TSPO: variants seen among roughly 807,000 people sequenced by gnomAD.
TSPO encodes the protein benzodiazepine peripheral binding site.
In TSPO, 14 loss-of-function variants were observed where a neutral mutation model predicts 13.9. That is an observed-to-expected ratio of 1.01 (90% CI 0.67 to 1.58). The LOEUF is 1.58. TSPO is among the 40% of genes most tolerant of loss of function. The pLI, the probability that TSPO is intolerant of heterozygous loss-of-function variation, is 0.00. For synonymous variants in TSPO, 114 were observed against 105.9 expected, an observed-to-expected ratio of 1.08 and a Z score of -0.47; for missense variants, 232 against 229.6, an observed-to-expected ratio of 1.01 and a Z score of -0.07.
intron 1 of TSPO, among the ~76,000 whole-genome samples, chr22:43,154,080 C>A (rs1050614993): frequency 2.0e-5 from 3 of 152,322 alleles, no homozygotes; most frequent in Non-Finnish European, 2.9e-5. Context: ...TCTCCCAGGC[C>A]ACTCGATGGC....
At position 43,163,001 on chromosome 22, in the gene TSPO, C is replaced by A. The variant is rs1378050582; in HGVS notation, c.*10C>A. On this transcript the variant is annotated 3_prime_UTR_variant, in exon 4 of 4. Coordinates refer to ENST00000337554, the MANE Select transcript of TSPO (RefSeq NM_000714.6). ...GCGGCTGCCAGAGTGAGTGCCCGGC[C>A]CACCAGGGACTGCAGCTGCACCAGC... is the stretch of plus-strand genomic sequence containing the variant. 1.3e-6 allele frequency: 2 copies of A among 1,579,312 alleles called. No homozygotes were observed. The highest frequency in any genetic ancestry group is 8.6e-7 in the Non-Finnish European group (1 of 1,163,314).
rs1473244412 is a variant in TSPO at position 43,155,401 on chromosome 22, C to T, written c.-30+3797C>T. 3.9e-5 allele frequency among the ~76,000 whole-genome samples: 6 copies of T among 152,356 alleles called. No homozygotes were observed. In the South Asian group the frequency reaches 1.0e-3, roughly 26 times the overall value. ...GGCTTGGAACCTTCTCCTGCCTCTA[C>T]GTCCTGCGCCCTCTACCCTGCCCCG... is the stretch of plus-strand genomic sequence containing the variant. On this transcript the variant is annotated intron_variant, in intron 1 of 3. Coordinates refer to ENST00000337554, the MANE Select transcript of TSPO (RefSeq NM_000714.6).
chr22:43,157,728 G>T (rs557930449), intron 1 of TSPO, among the ~76,000 whole-genome samples: 1 of 152,276 alleles, frequency 6.6e-6, no homozygotes, highest in South Asian at 2.1e-4. Context: ...TACTTGGGAG[G>T]CAGGAGGCTG....
In TSPO at chr22:43,158,961, AGAG is replaced by A. The variant is rs1931341013; in HGVS notation, c.-29-244_-29-242del. On this transcript the variant is annotated intron_variant, in intron 1 of 3. Coordinates refer to ENST00000337554, the MANE Select transcript of TSPO (RefSeq NM_000714.6). Reference sequence around the variant, plus strand: ...AGGGGACCCAAACTGGCCTTGGAAGAGAGGAGGGGTCAGTGCCAGAGACCCAAG... The same window carrying A: ...AGGGGACCCAAACTGGCCTTGGAAGAGAGGGGTCAGTGCCAGAGACCCAAG... 3.9e-5 allele frequency among the ~76,000 whole-genome samples: 6 copies of A among 152,136 alleles called. No homozygotes were observed. The South Asian group carries it at 1.2e-3, about 32-fold the overall frequency.
rs1601758350 is a variant in TSPO at position 43,159,767 on chromosome 22, T to C, written c.182+347T>C. ...ACAGCCCCAAGAGCAGCTCCTTTGT[T>C]GAACGCCTGCCCAGTGCCAGGCTCG... On this transcript the variant is annotated intron_variant, in intron 2 of 3. Coordinates refer to ENST00000337554, the MANE Select transcript of TSPO (RefSeq NM_000714.6). 7 of 241,354 alleles carry C rather than the reference T, an allele frequency of 2.9e-5. No homozygotes were observed. The East Asian group carries it at 5.2e-4, about 18-fold the overall frequency. 15.0% of individuals were successfully genotyped at this position (241,354 alleles called of 1,614,324 possible). A position where few individuals can be genotyped will look rare whatever the true frequency, so the allele number is the denominator to read the frequency against.
intron 1 of TSPO, among the ~76,000 whole-genome samples, chr22:43,154,796 G>C (rs1377577827): frequency 1.3e-5 from 2 of 152,106 alleles, no homozygotes; most frequent in Non-Finnish European, 2.9e-5. Flanking sequence ...TGGGGTCTTC[G>C]GGCCAGGAGT....
At chr22:43,153,713 C>T (rs1435791690) in intron 1 of TSPO, among the ~76,000 whole-genome samples, 1 of 151,542 alleles carries the variant, frequency 6.6e-6, no homozygotes, top group Non-Finnish European at 1.5e-5. Context: ...CTGTTTAAAA[C>T]GGTAGTCTTT....
At position 43,161,165 on chromosome 22, in the gene TSPO, T is replaced by C. The variant is rs1247903137; in HGVS notation, c.296T>C (p.Phe99Ser). 2.5e-6 allele frequency: 4 copies of C among 1,613,600 alleles called. No homozygotes were observed. Among genetic ancestry groups the C allele is most frequent in the Non-Finnish European group, 8.5e-7 (1 of 1,179,656 alleles). ...CTGAACTGGGCATGGCCCCCCATCTTCTTTGGTGCCCGACAAATGGGCTGG... is the reference window on the plus strand; with the variant it reads ...CTGAACTGGGCATGGCCCCCCATCTCCTTTGGTGCCCGACAAATGGGCTGG... The part of the protein sequence containing the change: ...LALNWAWPPI[F>S]FGARQMGWAL... The change falls in exon 3 of 4, where the codon TTC becomes TCC. Residue 99 changes from phenylalanine to serine, a missense_variant. Physicochemically the swap from Phe to Ser is radical, Grantham distance 155. Coordinates refer to ENST00000337554, the MANE Select transcript of TSPO (RefSeq NM_000714.6).
rs1174994733 is a variant in TSPO, at chr22:43,163,143, GC to G, written c.*157del. On this transcript the variant is annotated 3_prime_UTR_variant, in exon 4 of 4. Transcript: ENST00000337554. Reference sequence around the variant, plus strand: ...GAGCTTCAGAGGTGGCCCCACCTGAGCCCCCACCCGGGAGCAGTGTCCTGTG... The same window carrying G: ...GAGCTTCAGAGGTGGCCCCACCTGAGCCCCACCCGGGAGCAGTGTCCTGTG... 6.1e-6 allele frequency: 9 copies of G among 1,468,250 alleles called. No individual in the cohort carries two copies. The highest frequency in any genetic ancestry group is 5.4e-6 in the Non-Finnish European group (6 of 1,112,108). 91.0% of individuals were successfully genotyped at this position (1,468,250 alleles called of 1,614,324 possible).
At chr22:43,161,225 G>A in intron 3 of TSPO, 35 bp downstream of exon 3, 1 of 1,590,940 alleles carries the variant, frequency 6.3e-7, no homozygotes, top group Non-Finnish European at 8.6e-7. Context: ...CCTGATCCCT[G>A]GATCCGACCC....
At chr22:43,157,027 T>C (rs904305876) in intron 1 of TSPO, among the ~76,000 whole-genome samples, 1 of 152,008 alleles carries the variant, frequency 6.6e-6, no homozygotes, top group Non-Finnish European at 1.5e-5. Context: ...AGAGCAGCGG[T>C]TATGTCTTGG....
Position 43,162,968 on chromosome 22 carries a change from G to T in TSPO, c.487G>T (p.Gly163Trp). The change falls in exon 4 of 4, where the codon GGG becomes TGG. Residue 163 changes from glycine (G) to tryptophan (W), a missense_variant. By Grantham distance (184) the Gly-to-Trp change is radical. Coordinates refer to ENST00000337554, the MANE Select transcript of TSPO (RefSeq NM_000714.6). ...CVWRDNHGWRGGRRLPE is the reference protein window; with the variant it reads ...CVWRDNHGWRWGRRLPE The stretch of plus-strand genomic sequence containing the variant: ...ATGGCGGGACAACCATGGCTGGCGT[G>T]GGGGACGGCGGCTGCCAGAGTGAGT... The T allele has an allele frequency of 6.3e-7, 1 of 1,585,538 alleles. No individual in the cohort carries two copies. Among genetic ancestry groups the T allele is most frequent in the South Asian group, 1.1e-5 (1 of 87,454 alleles).
intron 3 of TSPO, among the ~76,000 whole-genome samples, chr22:43,161,510 C>CA (rs1427603505): frequency 5.3e-5 from 8 of 151,088 alleles, no homozygotes; most frequent in African/African-American, 1.9e-4. Context: ...TTTTTTGAGA[C>CA]AGAGTCTCAC....
chr22:43,157,323 G>C (rs1386408640), intron 1 of TSPO, among the ~76,000 whole-genome samples: 1 of 150,318 alleles, frequency 6.7e-6, no homozygotes, highest in Non-Finnish European at 1.5e-5. Flanking sequence ...GGGCAGGAGG[G>C]AGCGGGAGGG....
rs1477284266 is a variant in TSPO, at chr22:43,163,102, G to A, written c.*111G>A. 1.3e-6 allele frequency: 2 copies of A among 1,516,424 alleles called. No homozygotes were observed. Among genetic ancestry groups the A allele is most frequent in the African/African-American group, 1.4e-5 (1 of 72,722 alleles). 93.9% of individuals were successfully genotyped at this position (1,516,424 alleles called of 1,614,324 possible). On this transcript the variant is annotated 3_prime_UTR_variant, in exon 4 of 4. Transcript: ENST00000337554. The stretch of plus-strand genomic sequence containing the variant: ...GGGCCTGCTAGTCTGTCAGGGCCTT[G>A]GCCCAGGGGTCAGCAGAGCTTCAGA...
rs200097824 is a variant in TSPO at position 43,153,070 on chromosome 22, C to CTCTT, written c.-30+1481_-30+1484dup. On this transcript the variant is annotated intron_variant, in intron 1 of 3. Coordinates refer to ENST00000337554, the MANE Select transcript of TSPO (RefSeq NM_000714.6). Reference sequence around the variant, plus strand: ...CACCCCTTCTTTCTCTTTCTTCTTTCTCTTTCTTTCTTTCTTTCCTTCCTT... The same window carrying CTCTT: ...CACCCCTTCTTTCTCTTTCTTCTTTCTCTTTCTTTCTTTCTTTCTTTCCTTCCTT... Among the ~76,000 whole-genome samples, 18 of 126,200 alleles carry CTCTT rather than the reference C, an allele frequency of 1.4e-4. No individual in the cohort carries two copies. In the East Asian group the frequency reaches 1.9e-3, roughly 13 times the overall value. 82.8% of individuals were successfully genotyped at this position (126,200 alleles called of 152,430 possible).
At chr22:43,162,126 AT>A (rs34120993) in intron 3 of TSPO, among the ~76,000 whole-genome samples, 8,572 of 138,200 alleles carry the variant, frequency 0.062, 870 homozygotes, top group African/African-American at 0.22. Flanking sequence ...AATTTTCTGT[AT>A]TTTTTTTTTT....
chr22:43,161,604 C>T (rs760322912), intron 3 of TSPO, among the ~76,000 whole-genome samples: 5 of 152,022 alleles, frequency 3.3e-5, no homozygotes, highest in Non-Finnish European at 5.9e-5. Flanking sequence ...TCCCTTGCCT[C>T]AGCCTCCCGA....
intron 3 of TSPO, 125 bp downstream of exon 3, chr22:43,161,315 T>TGTGGG (rs1931431393): frequency 1.5e-6 from 2 of 1,371,952 alleles, no homozygotes; most frequent in Admixed American, 2.7e-5. Context: ...GCCATGTCTC[T>TGTGGG]CTAGCTGTAA....
Sources: allele counts gnomAD v4.1 joint callset (sites outside exome capture counted in the v4.1 genomes callset), GRCh38; gene constraint gnomAD v4.1.1; transcripts MANE v1.5; gene names NCBI Gene and HGNC (gene_info 2026-07-23, HGNC 2026-07-21).